The following PTK2B variants were observed in gnomAD, a reference collection of about 807,000 sequenced individuals.
PTK2B encodes the protein protein-tyrosine kinase 2-beta.
PTK2B carries 71 observed loss-of-function variants against 142.9 expected under a neutral mutation model. The observed-to-expected ratio is 0.50, with a 90% CI of 0.41 to 0.61. The LOEUF (loss-of-function observed/expected upper bound fraction) is 0.61, where lower values mean the gene tolerates loss of function less well. Ranked by LOEUF, PTK2B falls within the 20% of genes least tolerant of loss-of-function variation. The pLI is 0.00. For missense variants in PTK2B, 1,105 were observed against 1,320.4 expected (o/e 0.84, Z 2.53); for synonymous variants, 519 against 503.4 (o/e 1.03, Z -0.42).
intron 1 of PTK2B, among the ~76,000 whole-genome samples, chr8:27,330,958 C>T (rs1303135657): frequency 1.3e-5 from 2 of 152,162 alleles, no homozygotes; most frequent in South Asian, 2.1e-4. Flanking sequence ...CAGCAATGGC[C>T]AATACCTGCG....
intron 1 of PTK2B, among the ~76,000 whole-genome samples, chr8:27,360,762 G>A (rs1805652481): frequency 1.3e-5 from 2 of 152,188 alleles, no homozygotes; most frequent in South Asian, 2.1e-4. Context: ...TTTCACCTGG[G>A]ATCTTTTCAC....
chr8:27,321,998 T>C (rs549677055), upstream of PTK2B, among the ~76,000 whole-genome samples: 111 of 144,890 alleles, frequency 7.7e-4, no homozygotes, highest in Non-Finnish European at 1.3e-3. Flanking sequence ...TCTTTGTCCC[T>C]TTTTTTTTTT....
rs1392283181 is a variant in PTK2B, at chr8:27,458,449, G to T, written c.2970G>T (p.Leu990=). 1 of 1,605,402 alleles carries T rather than the reference G, an allele frequency of 6.2e-7. No individual in the cohort carries two copies. The highest frequency in any genetic ancestry group is 1.1e-5 in the South Asian group (1 of 89,722). The change falls in exon 31 of 31, where the codon CTG becomes CTT. Residue 990 remains leucine, a synonymous_variant. Transcript: ENST00000346049. ...CCCTGGCTGTGGACGCCAAGAACCT[G>T]CTCGACGCTGTGGACCAGGCCAAGG... ...SHTLAVDAKN[L]LDAVDQAKVL...
chr8:27,402,097 G>C (rs1467411112), intron 2 of PTK2B, among the ~76,000 whole-genome samples: 5 of 152,164 alleles, frequency 3.3e-5, no homozygotes, highest in Non-Finnish European at 1.5e-5. Context: ...TGCCAGTAAG[G>C]GGGGAAGCCT....
At chr8:27,393,009 C>T (rs910467301) in intron 1 of PTK2B, among the ~76,000 whole-genome samples, 1 of 152,170 alleles carries the variant, frequency 6.6e-6, no homozygotes, top group Non-Finnish European at 1.5e-5. Context: ...CTTTATCTTT[C>T]GTGGAGTTTG....
chr8:27,375,812 G>A (rs1452652707), intron 1 of PTK2B, among the ~76,000 whole-genome samples: 2 of 152,210 alleles, frequency 1.3e-5, no homozygotes, highest in Non-Finnish European at 2.9e-5. Context: ...TATTCTGCCT[G>A]TACGACCTGT....
Position 27,311,717 on chromosome 8 carries a change from C to T in PTK2B, c.-581+8C>T, listed in dbSNP as rs12679570. Reference sequence around the variant, plus strand: ...GCTGGGTCTTAAAGCACCGTGAGTGCAATCACCACTTAAGTTTGCAGCGCC... The same window carrying T: ...GCTGGGTCTTAAAGCACCGTGAGTGTAATCACCACTTAAGTTTGCAGCGCC... On this transcript the variant is annotated splice_region_variant and intron_variant, in intron 1 of 35. Transcript: ENST00000397501. 4.7e-3 allele frequency: 759 copies of T among 162,276 alleles called. 9 individuals are homozygous for T. Among genetic ancestry groups the T allele is most frequent in the East Asian group, 0.039 (211 of 5,432 alleles). The allele number at this position is 162,276 out of a possible 1,614,324, so 10.1% of individuals were successfully genotyped here. A position where few individuals can be genotyped will look rare whatever the true frequency, so the allele number is the denominator to read the frequency against.
intron 1 of PTK2B, among the ~76,000 whole-genome samples, chr8:27,364,580 T>C (rs930863895): frequency 5.3e-5 from 8 of 152,218 alleles, no homozygotes; most frequent in Non-Finnish European, 1.5e-5. Flanking sequence ...CGCTCAGTAC[T>C]GCAGGGACTG....
At chr8:27,387,266 A>G (rs1383392933) in intron 1 of PTK2B, among the ~76,000 whole-genome samples, 3 of 150,186 alleles carry the variant, frequency 2.0e-5, no homozygotes, top group African/African-American at 7.6e-5. Flanking sequence ...CAAGCTGCTC[A>G]GTCAGTCGCT....
At chr8:27,410,781 G>A (rs1809010497) in intron 2 of PTK2B, among the ~76,000 whole-genome samples, 1 of 152,200 alleles carries the variant, frequency 6.6e-6, no homozygotes, top group Non-Finnish European at 1.5e-5. Context: ...ATCCGGTCCT[G>A]TTGCTTCTTT....
rs1391555664 is a variant in PTK2B at position 27,457,350 on chromosome 8, C to A, written c.2815-944C>A. Among the ~76,000 whole-genome samples, 3 of 152,346 alleles carry A rather than the reference C, an allele frequency of 2.0e-5. No individual in the cohort carries two copies. The East Asian group carries it at 5.8e-4, about 29-fold the overall frequency. ...AAAAGACTATCTTCAAATATTACTACTCATTGACAGTGCATCTACTCAAGA... is the reference window on the plus strand; with the variant it reads ...AAAAGACTATCTTCAAATATTACTAATCATTGACAGTGCATCTACTCAAGA... On this transcript the variant is annotated intron_variant, in intron 30 of 30. Transcript: ENST00000346049.
At chr8:27,454,036 A>G in intron 28 of PTK2B, 118 bp from the exon 29 acceptor site, 10 of 1,382,792 alleles carry the variant, frequency 7.2e-6, no homozygotes, top group Non-Finnish European at 1.0e-5. Context: ...ATTCTAAAGA[A>G]GAGTCCTTTC....
chr8:27,324,204 T>A (rs1218399232), upstream of PTK2B, among the ~76,000 whole-genome samples: 1 of 152,228 alleles, frequency 6.6e-6, no homozygotes, highest in African/African-American at 2.4e-5. Context: ...TGCCTCTCCA[T>A]CCCTGGCCAA....
Position 27,439,150 on chromosome 8 carries a change from C to T in PTK2B, c.1744+19C>T. The T allele has an allele frequency of 1.2e-6, 2 of 1,607,814 alleles. No homozygotes were observed. Among genetic ancestry groups the T allele is most frequent in the Non-Finnish European group, 1.7e-6 (2 of 1,174,292 alleles). On this transcript the variant is annotated intron_variant, in intron 19 of 30. Coordinates refer to ENST00000346049, the MANE Select transcript of PTK2B (RefSeq NM_173176.3). ...TACAAAGGTGAGGGGGCTTCCCAGC[C>T]TCTGCATTGGCCTTGGAGGGGTCGC...
At position 27,450,912 on chromosome 8, in the gene PTK2B, G is replaced by C; in HGVS notation, c.2487+17G>C. ...AAGTCCCTGGTGAGCACCCCAGGAA[G>C]GATGTCGGTGCCCTGCACCCATCTG... On this transcript the variant is annotated intron_variant, in intron 25 of 30. Coordinates refer to ENST00000346049, the MANE Select transcript of PTK2B (RefSeq NM_173176.3). 6.2e-7 allele frequency: 1 copy of C among 1,614,122 alleles called. No homozygotes were observed. Among genetic ancestry groups the C allele is most frequent in the Non-Finnish European group, 8.5e-7 (1 of 1,179,978 alleles).
At chr8:27,324,562 C>T (rs1229000709), upstream of PTK2B, among the ~76,000 whole-genome samples, 1 of 152,234 alleles carries the variant, frequency 6.6e-6, no homozygotes, top group African/African-American at 2.4e-5. Context: ...GGAGTCAGTG[C>T]AATCTTGGAA....
chr8:27,411,907 C>T (rs1243456693), intron 2 of PTK2B, among the ~76,000 whole-genome samples: 1 of 152,190 alleles, frequency 6.6e-6, no homozygotes, highest in Non-Finnish European at 1.5e-5. Flanking sequence ...TCTGCTATCC[C>T]AGCAGGTTCA....
intron 5 of PTK2B, among the ~76,000 whole-genome samples, chr8:27,425,637 A>C (rs1449030476): frequency 6.6e-6 from 1 of 152,082 alleles, no homozygotes; most frequent in Non-Finnish European, 1.5e-5. Context: ...TATTACCTAA[A>C]ACCTGTAGTT....
intron 10 of PTK2B, 29 bp from the exon 11 acceptor site, chr8:27,433,406 C>A: frequency 6.3e-7 from 1 of 1,588,606 alleles, no homozygotes; most frequent in South Asian, 1.1e-5. Context: ...GCTCTGGGGT[C>A]TCACCCTTGG....
Sources: gnomAD v4.1 joint callset for allele counts (sites outside exome capture counted in the v4.1 genomes callset) on GRCh38, gnomAD v4.1.1 for gene constraint, MANE v1.5 for transcripts, NCBI Gene and HGNC (gene_info 2026-07-23, HGNC 2026-07-21) for gene names.